VNN1: variants seen among roughly 807,000 people sequenced by gnomAD.
VNN1 encodes vanin 1, also known as pantetheinase.
VNN1 carries 29 observed loss-of-function variants against 41.9 expected under a neutral mutation model. The observed-to-expected ratio is 0.69, with a 90% CI of 0.52 to 0.94. VNN1 has a LOEUF of 0.94. VNN1 is among the 40% of genes least tolerant of loss of function. The pLI is 0.00. For synonymous variants in VNN1, 233 were observed against 224.4 expected (o/e 1.04, Z -0.34); for missense variants, 637 against 621.1 (o/e 1.03, Z -0.27).
In VNN1 at chr6:132,701,413, C is replaced by T. The variant is rs1582775415; in HGVS notation, c.342-7231G>A. Reference sequence around the variant, plus strand: ...TCAACATAATAAAGGCTATAGATGGCGTATATGTCAGCACCTACAGCTAAC... The same window carrying T: ...TCAACATAATAAAGGCTATAGATGGTGTATATGTCAGCACCTACAGCTAAC... On this transcript the variant is annotated intron_variant, in intron 2 of 6. Transcript: ENST00000367928. Among the ~76,000 whole-genome samples the T allele has an allele frequency of 2.0e-5, 3 of 152,066 alleles. 1 individual carries two copies. The South Asian group carries it at 6.2e-4, about 31-fold the overall frequency.
rs1778117844 is a variant in VNN1 at position 132,681,364 on chromosome 6, C to T, written c.*1776G>A. On this transcript the variant is annotated 3_prime_UTR_variant, in exon 7 of 7. Transcript: ENST00000367928. Reference sequence around the variant, plus strand: ...GAGAAGCAGATTTTCTCCAGCCCCACCCGAGCCTTGAGATGATGGCAGCCC... The same window carrying T: ...GAGAAGCAGATTTTCTCCAGCCCCATCCGAGCCTTGAGATGATGGCAGCCC... Among the ~76,000 whole-genome samples, 1 of 152,180 alleles carries T rather than the reference C, an allele frequency of 6.6e-6. No homozygotes were observed. The highest frequency in any genetic ancestry group is 2.4e-5 in the African/African-American group (1 of 41,426).
chr6:132,687,677 A>G (rs1183803452), intron 5 of VNN1, among the ~76,000 whole-genome samples: 1 of 152,230 alleles, frequency 6.6e-6, no homozygotes, highest in East Asian at 1.9e-4. Flanking sequence ...AAATCTCAAT[A>G]TGACAACTGT....
In VNN1 at chr6:132,693,115, C is replaced by A; in HGVS notation, c.735G>T (p.Leu245Phe). The change falls in exon 4 of 7, where the codon TTG (leucine) becomes TTT (phenylalanine). Residue 245 changes from leucine to phenylalanine, a missense_variant. Coordinates refer to ENST00000367928, the MANE Select transcript of VNN1 (RefSeq NM_004666.3). ...AAGCTGAGTGGAATTCAACAGCTGA[C>A]AAATGTGGCAAAACATTCATCCAAG... ...PTAWMNVLPH[L>F]SAVEFHSAWA... is the part of the protein sequence containing the mutation. 2 of 1,614,086 alleles carry A rather than the reference C, an allele frequency of 1.2e-6. No individual in the cohort carries two copies. Among genetic ancestry groups the A allele is most frequent in the Non-Finnish European group, 8.5e-7 (1 of 1,180,016 alleles).
chr6:132,705,948 T>C (rs887499154), intron 2 of VNN1, among the ~76,000 whole-genome samples: 6 of 152,100 alleles, frequency 3.9e-5, no homozygotes, highest in African/African-American at 7.2e-5. Flanking sequence ...TAGGAATTAA[T>C]TTATCCAAAG....
chr6:132,709,515 CA>C (rs2114374608), intron 2 of VNN1, among the ~76,000 whole-genome samples: 1 of 152,146 alleles, frequency 6.6e-6, no homozygotes, highest in South Asian at 2.1e-4. Context: ...ACTGAAAATA[CA>C]AAAAACTAGC....
intron 5 of VNN1, among the ~76,000 whole-genome samples, chr6:132,684,781 C>A (rs1293232646): frequency 6.6e-6 from 1 of 151,682 alleles, no homozygotes; most frequent in Non-Finnish European, 1.5e-5. Context: ...AATGCCTATG[C>A]CACTTTATTT....
At chr6:132,690,847 T>C (rs1040694343) in intron 5 of VNN1, among the ~76,000 whole-genome samples, 3 of 152,184 alleles carry the variant, frequency 2.0e-5, no homozygotes, top group Non-Finnish European at 4.4e-5. Context: ...ATGTCTTTGA[T>C]AAAGCTAAGC....
chr6:132,683,333 C>A lies in VNN1; in HGVS notation c.1360-11G>T. ...TCCGTCAGTTGACACCTGATTAAAACAAAAAAGTAGGCAAAGGCTACCTTC... is the reference window on the plus strand; with the variant it reads ...TCCGTCAGTTGACACCTGATTAAAAAAAAAAAGTAGGCAAAGGCTACCTTC... On this transcript the variant is annotated splice_polypyrimidine_tract_variant and intron_variant, in intron 6 of 6. Transcript: ENST00000367928. 2 of 1,602,162 alleles carry A rather than the reference C, an allele frequency of 1.2e-6. No individual in the cohort carries two copies. The highest frequency in any genetic ancestry group is 1.4e-5 in the African/African-American group (1 of 74,032).
At chr6:132,702,420 G>A (rs77878460) in intron 2 of VNN1, among the ~76,000 whole-genome samples, 37 of 152,264 alleles carry the variant, frequency 2.4e-4, no homozygotes, top group African/African-American at 8.9e-4. Flanking sequence ...TGCCAAAAAC[G>A]TTGGGGACAG....
chr6:132,683,887 T>C (rs45628737), intron 6 of VNN1, among the ~76,000 whole-genome samples: 4,225 of 152,280 alleles, frequency 0.028, 192 homozygotes, highest in African/African-American at 0.097. Flanking sequence ...GCTTTTTTGC[T>C]AACATCCGCC....
intron 2 of VNN1, among the ~76,000 whole-genome samples, chr6:132,700,921 T>C (rs1472495581): frequency 6.6e-6 from 1 of 152,174 alleles, no homozygotes; most frequent in East Asian, 1.9e-4. Context: ...ATAGATTCCA[T>C]AATGGTATAA....
At chr6:132,705,329 C>A (rs1231615624) in intron 2 of VNN1, among the ~76,000 whole-genome samples, 1 of 152,054 alleles carries the variant, frequency 6.6e-6, no homozygotes, top group African/African-American at 2.4e-5. Flanking sequence ...TCATCATGAC[C>A]AAGTCGGATT....
intron 5 of VNN1, among the ~76,000 whole-genome samples, chr6:132,686,693 A>T (rs1778214240): frequency 6.6e-6 from 1 of 152,194 alleles, no homozygotes; most frequent in South Asian, 2.1e-4. Flanking sequence ...ATTTTCTATG[A>T]GTTTTTGGTA....
In VNN1 at chr6:132,692,282, C is replaced by T. The variant is rs1392702060; in HGVS notation, c.1129G>A (p.Val377Met). Residue 377 changes from valine (V) to methionine (M), a missense_variant, in exon 5 of 7, where the codon GTG becomes ATG. By Grantham distance (21) the Val-to-Met change is conservative. Coordinates refer to ENST00000367928, the MANE Select transcript of VNN1 (RefSeq NM_004666.3). The part of the protein sequence containing the change: ...YKMSENIPNE[V>M]YALGAFDGLH... Reference sequence around the variant, plus strand: ...CCGTCAAATGCCCCTAGAGCGTACACTTCATTTGGTATGTTCTCAGACATT... The same window carrying T: ...CCGTCAAATGCCCCTAGAGCGTACATTTCATTTGGTATGTTCTCAGACATT... 8.7e-6 allele frequency: 14 copies of T among 1,613,842 alleles called. No individual in the cohort carries two copies. The highest frequency in any genetic ancestry group is 4.0e-5 in the African/African-American group (3 of 74,926).
At chr6:132,687,878 G>C (rs567148208) in intron 5 of VNN1, among the ~76,000 whole-genome samples, 1 of 152,162 alleles carries the variant, frequency 6.6e-6, no homozygotes, top group Non-Finnish European at 1.5e-5. Flanking sequence ...GAAAAACAAA[G>C]AAAAACTATA....
chr6:132,688,324 C>T (rs936759370), intron 5 of VNN1, among the ~76,000 whole-genome samples: 2 of 152,128 alleles, frequency 1.3e-5, no homozygotes, highest in African/African-American at 4.8e-5. Context: ...TTCCCAGACT[C>T]TGCTGGTAAT....
At chr6:132,710,447 C>G (rs1298967900) in intron 2 of VNN1, among the ~76,000 whole-genome samples, 1 of 152,012 alleles carries the variant, frequency 6.6e-6, no homozygotes, top group African/African-American at 2.4e-5. Flanking sequence ...TAGGTATACA[C>G]GTGCCATGGT....
intron 2 of VNN1, among the ~76,000 whole-genome samples, chr6:132,703,682 G>T (rs961181255): frequency 2.0e-5 from 3 of 151,918 alleles, no homozygotes; most frequent in Admixed American, 2.0e-4. Flanking sequence ...AAACAAAATG[G>T]CAGGAGTATG....
At chr6:132,707,210 G>A (rs1269380830) in intron 2 of VNN1, among the ~76,000 whole-genome samples, 2 of 136,700 alleles carry the variant, frequency 1.5e-5, no homozygotes, top group South Asian at 2.5e-4. Context: ...TGGGCAACAA[G>A]AGGGAGGCTC....
Sources: gnomAD v4.1 joint callset for allele counts (sites outside exome capture counted in the v4.1 genomes callset) on GRCh38, gnomAD v4.1.1 for gene constraint, MANE v1.5 for transcripts, NCBI Gene and HGNC (gene_info 2026-07-23, HGNC 2026-07-21) for gene names.